Variants in PTOV1 observed in about 807,000 individuals in gnomAD.
PTOV1 encodes the protein PTOV1 extended AT-hook containing adaptor protein, also known as prostate tumor-overexpressed gene 1 protein.
A neutral mutation model predicts 58.0 loss-of-function variants in PTOV1; 20 were observed. The observed-to-expected ratio is 0.34, with a 90% CI of 0.24 to 0.50. The LOEUF is 0.50. PTOV1 is among the 20% of genes least tolerant of loss of function. The pLI is 0.98. For synonymous variants in PTOV1, 335 were observed against 234.2 expected, an observed-to-expected ratio of 1.43 and a Z score of -3.93; for missense variants, 593 against 565.4, an observed-to-expected ratio of 1.05 and a Z score of -0.50.
At chr19:49,860,297 G>A (rs1419554878) in exon 12 of PTOV1, 1 of 1,489,864 alleles carries the variant, frequency 6.7e-7, no homozygotes, top group African/African-American at 1.4e-5. Flanking sequence ...CCCGGGCTGG[G>A]CCCCTCCAGG....
exon 12 of PTOV1, chr19:49,860,502 C>G: frequency 1.5e-6 from 1 of 678,910 alleles, no homozygotes. Flanking sequence ...AGCCTCAGGG[C>G]CATGGGAGGT....
intron 1 of PTOV1, among the ~76,000 whole-genome samples, chr19:49,853,680 G>A (rs1187893899): frequency 1.3e-5 from 2 of 152,100 alleles, no homozygotes; most frequent in African/African-American, 4.8e-5. Context: ...GGCGTTGCTT[G>A]GCTTTATTGC....
rs570399878 is a variant in PTOV1, at chr19:49,857,993, G to A, written c.878+16G>A. The A allele has an allele frequency of 1.2e-6, 2 of 1,613,126 alleles. No homozygotes were observed. Among genetic ancestry groups the A allele is most frequent in the Middle Eastern group, 1.7e-4 (1 of 6,056 alleles). ...GGGAGATCCTGTGAGTGCTGGGCTG[G>A]GGGGTGGAGGCAGCATCCAGGGGAG... On this transcript the variant is annotated intron_variant, in intron 8 of 11. Coordinates refer to ENST00000391842, the Ensembl canonical transcript of PTOV1.
rs117567207 is a variant in PTOV1 at position 49,859,473 on chromosome 19, G to C, written c.1042-513G>C. ...AGGCATGATGGCCACTCAGGAGGCTGAGTCACAAGAATGGCTTGAACCCGG... is the reference window on the plus strand; with the variant it reads ...AGGCATGATGGCCACTCAGGAGGCTCAGTCACAAGAATGGCTTGAACCCGG... On this transcript the variant is annotated intron_variant, in intron 10 of 11. Coordinates refer to ENST00000391842, the Ensembl canonical transcript of PTOV1. Among the ~76,000 whole-genome samples, 486 of 152,168 alleles carry C rather than the reference G, an allele frequency of 3.2e-3. 2 individuals are homozygous for C. The highest frequency in any genetic ancestry group is 5.7e-3 in the Non-Finnish European group (386 of 68,020).
At chr19:49,851,691 C>G in intron 1 of PTOV1, 192 bp downstream of exon 1, 22 of 1,031,746 alleles carry the variant, frequency 2.1e-5, no homozygotes, top group East Asian at 1.4e-4. Flanking sequence ...CTTTGTTGCG[C>G]GTTCGGGCCG....
upstream of PTOV1, chr19:49,851,004 T>A (rs777791796): frequency 1.3e-4 from 203 of 1,533,344 alleles, no homozygotes; most frequent in African/African-American, 2.5e-3. Flanking sequence ...GGCTCGCGCG[T>A]CTTCCCAGGA....
chr19:49,854,919 CTGA>C, intron 4 of PTOV1, 31 bp downstream of exon 4: 1 of 1,561,814 alleles, frequency 6.4e-7, no homozygotes, highest in Non-Finnish European at 8.7e-7. Flanking sequence ...CCCATCCACT[CTGA>C]GCACCCCCAT....
chr19:49,858,145 G>A (rs1461306468), intron 9 of PTOV1, 31 bp downstream of exon 9: 4 of 1,607,608 alleles, frequency 2.5e-6, no homozygotes, highest in South Asian at 1.1e-5. Context: ...GCTGGAGCCT[G>A]CACGCAGTAG....
chr19:49,855,162 CG>C, intron 5 of PTOV1, 85 bp downstream of exon 5: 36 of 1,348,158 alleles, frequency 2.7e-5, no homozygotes, highest in Non-Finnish European at 3.0e-5. Context: ...AGGCGGGGGT[CG>C]GGGGGTCTCC....
chr19:49,851,791 A>G lies in PTOV1; in HGVS notation c.171+292A>G, dbSNP rs550693747. Reference sequence around the variant, plus strand: ...TAAACGCGGGCTGGGGGCGGCAGACAGGCAGCCGGCACGCTCGCTTGTTTT... The same window carrying G: ...TAAACGCGGGCTGGGGGCGGCAGACGGGCAGCCGGCACGCTCGCTTGTTTT... On this transcript the variant is annotated intron_variant, in intron 1 of 11. Coordinates refer to ENST00000391842, the Ensembl canonical transcript of PTOV1. The G allele has an allele frequency of 4.9e-5, 51 of 1,040,836 alleles. No homozygotes were observed. The East Asian group carries it at 3.1e-3, about 63-fold the overall frequency. The allele number at this position is 1,040,836 out of a possible 1,614,324, so 64.5% of individuals were successfully genotyped here. A position where few individuals can be genotyped will look rare whatever the true frequency, so the allele number is the denominator to read the frequency against.
At chr19:49,857,207 G>C (rs1323479454) in intron 6 of PTOV1, 77 bp downstream of exon 6, 2 of 1,562,658 alleles carry the variant, frequency 1.3e-6, no homozygotes, top group Non-Finnish European at 1.8e-6. Flanking sequence ...AGCCAGACTT[G>C]GTGTGGGCGG....
At chr19:49,857,176 A>G (rs2122233443) in intron 6 of PTOV1, 46 bp downstream of exon 6, 1 of 1,607,858 alleles carries the variant, frequency 6.2e-7, no homozygotes, top group African/African-American at 1.3e-5. Flanking sequence ...GGGGGATTAG[A>G]CCCCACTGCC....
rs1234310814 is a variant in PTOV1, at chr19:49,860,555, T to C, written c.*276T>C. On this transcript the variant is annotated 3_prime_UTR_variant, in exon 12 of 12. Transcript: ENST00000391842. The stretch of plus-strand genomic sequence containing the variant: ...GGGGCCAGGCCTCTGCTCACAGGGA[T>C]GTGGGGTCAGTGCTTGGGAGCCTGT... 16 of 581,902 alleles carry C rather than the reference T, an allele frequency of 2.7e-5. No homozygotes were observed. In the Admixed American group the frequency reaches 4.7e-4, roughly 17 times the overall value. The allele number at this position is 581,902 out of a possible 1,614,324, so 36.0% of individuals were successfully genotyped here.
At chr19:49,853,626 T>C (rs1026995460) in intron 1 of PTOV1, among the ~76,000 whole-genome samples, 1 of 144,390 alleles carries the variant, frequency 6.9e-6, no homozygotes. Flanking sequence ...AAAAAAAAAA[T>C]AGTAATAAAA....
chr19:49,856,962 G>A lies in PTOV1; in HGVS notation c.559-13G>A, dbSNP rs759990595. The A allele has an allele frequency of 1.2e-4, 196 of 1,611,870 alleles. No individual in the cohort carries two copies. The East Asian group carries it at 3.2e-3, about 26-fold the overall frequency. ...GGCAGTGACCACAGGGTCCTGACCC[G>A]CGGCCCCCGCAGGCGGGCTGCATGC... On this transcript the variant is annotated splice_polypyrimidine_tract_variant and intron_variant, in intron 5 of 11. Transcript: ENST00000391842.
chr19:49,858,968 A>G, intron 10 of PTOV1: 1 of 262,962 alleles, frequency 3.8e-6, no homozygotes, highest in Non-Finnish European at 7.3e-6. Context: ...CTTGTGCCAC[A>G]TCCCAAAGGC....
exon 6 of PTOV1, chr19:49,857,036 A>T (rs766057606): frequency 6.2e-7 from 1 of 1,613,902 alleles, no homozygotes; most frequent in Admixed American, 1.7e-5. Flanking sequence ...ATGCTCCTGT[A>T]CTCGTCCAAG....
At chr19:49,859,788 G>C (rs898719029) in intron 10 of PTOV1, 198 bp from the exon 11 acceptor site, 1 of 616,110 alleles carries the variant, frequency 1.6e-6, no homozygotes, top group Non-Finnish European at 2.9e-6. Context: ...GACAGAGCCT[G>C]TTGGCCTTTG....
rs1399395916 is a variant in PTOV1, at chr19:49,857,995, G to A, written c.878+18G>A. 7 of 1,613,046 alleles carry A rather than the reference G, an allele frequency of 4.3e-6. No homozygotes were observed. In the South Asian group the frequency reaches 5.5e-5, roughly 13 times the overall value. On this transcript the variant is annotated intron_variant, in intron 8 of 11. Coordinates refer to ENST00000391842, the Ensembl canonical transcript of PTOV1. ...GAGATCCTGTGAGTGCTGGGCTGGGGGGTGGAGGCAGCATCCAGGGGAGCT... is the reference window on the plus strand; with the variant it reads ...GAGATCCTGTGAGTGCTGGGCTGGGAGGTGGAGGCAGCATCCAGGGGAGCT...
Sources: allele counts gnomAD v4.1 joint callset (sites outside exome capture counted in the v4.1 genomes callset), GRCh38; gene constraint gnomAD v4.1.1; transcripts MANE v1.5; gene names NCBI Gene and HGNC (gene_info 2026-07-23, HGNC 2026-07-21).